The following RAP1GAP variants were observed in gnomAD, a reference collection of about 807,000 sequenced individuals.
RAP1GAP encodes the protein RAP1 GTPase activating protein, also known as rap1 GTPase-activating protein 1.
In RAP1GAP, 35 loss-of-function variants were observed where a neutral mutation model predicts 87.2. The observed-to-expected ratio is 0.40, with a 90% confidence interval of 0.31 to 0.53. The LOEUF (loss-of-function observed/expected upper bound fraction) is 0.53, where lower values mean the gene tolerates loss of function less well. Ranked by LOEUF, RAP1GAP falls within the 20% of genes least tolerant of loss-of-function variation. The probability of loss-of-function intolerance (pLI) is 0.48; values close to 1 mark genes in which losing one functional copy is unlikely to be tolerated. For missense variants in RAP1GAP, 734 were observed against 898.9 expected, an observed-to-expected ratio of 0.82 and a Z score of 2.35; for synonymous variants, 375 against 363.9, an observed-to-expected ratio of 1.03 and a Z score of -0.35.
intron 16 of RAP1GAP, 49 bp from the exon 17 acceptor site, chr1:21,608,399 T>A: frequency 6.3e-7 from 1 of 1,587,450 alleles, no homozygotes; most frequent in Non-Finnish European, 8.6e-7. Context: ...GATCAGCCCT[T>A]CGGCCCACAG....
chr1:21,660,821 T>C (rs920758715), intron 1 of RAP1GAP, among the ~76,000 whole-genome samples: 3 of 152,026 alleles, frequency 2.0e-5, no homozygotes, highest in Admixed American at 1.3e-4. Flanking sequence ...GCCAGTAGGG[T>C]CTTCTTTGGG....
intron 1 of RAP1GAP, among the ~76,000 whole-genome samples, chr1:21,653,580 C>CTTCCTTCCTTCCTTCCTTCT (rs1553496400): frequency 8.2e-6 from 1 of 121,968 alleles, no homozygotes; most frequent in Non-Finnish European, 1.9e-5. Context: ...TCCTTCCTTC[C>CTTCCTTCCTTCCTTCCTTCT]TTCCTTCCTT....
chr1:21,636,849 AAGGAGG>A (rs541438454), intron 2 of RAP1GAP, among the ~76,000 whole-genome samples: 12 of 146,896 alleles, frequency 8.2e-5, no homozygotes, highest in South Asian at 4.4e-4. Context: ...GAAGAAGAAG[AAGGAGG>A]AGGAGGAGGA....
intron 13 of RAP1GAP, 42 bp from the exon 14 acceptor site, chr1:21,610,317 G>GA: frequency 6.2e-7 from 1 of 1,607,540 alleles, no homozygotes; most frequent in Non-Finnish European, 8.5e-7. Flanking sequence ...GGCCAGAGGG[G>GA]GCCCATGGGG....
At chr1:21,646,729 C>T (rs920232310) in intron 2 of RAP1GAP, among the ~76,000 whole-genome samples, 3 of 152,190 alleles carry the variant, frequency 2.0e-5, no homozygotes, top group Non-Finnish European at 2.9e-5. Context: ...CATTTGAATA[C>T]ACTTTAAATG....
intron 2 of RAP1GAP, among the ~76,000 whole-genome samples, chr1:21,631,262 C>T (rs921867305): frequency 6.6e-6 from 1 of 152,208 alleles, no homozygotes; most frequent in Non-Finnish European, 1.5e-5. Context: ...GCGGGGAGCC[C>T]AGAGCATGCC....
At chr1:21,606,712 G>T (rs974350905) in intron 17 of RAP1GAP, among the ~76,000 whole-genome samples, 3 of 151,966 alleles carry the variant, frequency 2.0e-5, no homozygotes, top group African/African-American at 7.3e-5. Flanking sequence ...CCAAATGCTT[G>T]CTATGGGACC....
chr1:21,651,836 C>A, intron 1 of RAP1GAP: 1 of 1,176,452 alleles, frequency 8.5e-7, no homozygotes, highest in South Asian at 3.5e-5. Flanking sequence ...GCCGCCGCCG[C>A]CGCCCGGCCC....
intron 4 of RAP1GAP, among the ~76,000 whole-genome samples, chr1:21,619,701 G>T (rs553775233): frequency 6.6e-6 from 1 of 152,014 alleles, no homozygotes; most frequent in African/African-American, 2.4e-5. Flanking sequence ...CCACCACAAA[G>T]CCTGCGGTGT....
chr1:21,619,595 G>A (rs1417973800), intron 4 of RAP1GAP, among the ~76,000 whole-genome samples: 9 of 152,016 alleles, frequency 5.9e-5, no homozygotes, highest in Non-Finnish European at 1.3e-4. Flanking sequence ...GGGGTGGAGG[G>A]TGGAGGGGTA....
Position 21,622,242 on chromosome 1 carries a change from C to T in RAP1GAP, c.-18-2192G>A. The T allele has an allele frequency of 2.7e-6, 1 of 369,130 alleles. No individual in the cohort carries two copies. Among genetic ancestry groups the T allele is most frequent in the Non-Finnish European group, 4.9e-6 (1 of 202,852 alleles). 22.9% of individuals were successfully genotyped at this position (369,130 alleles called of 1,614,324 possible). Reference sequence around the variant, plus strand: ...GCCCACCATGACGGAGCCTTGTCCGCCCGCCCTGGCTGGGGCAGAGCCGGC... The same window carrying T: ...GCCCACCATGACGGAGCCTTGTCCGTCCGCCCTGGCTGGGGCAGAGCCGGC... On this transcript the variant is annotated intron_variant, in intron 3 of 24. Coordinates refer to ENST00000374765, the MANE Select transcript of RAP1GAP (RefSeq NM_002885.4). This position sits in a 1 kb window ranked among gnomAD's most constrained non-coding sequence, Gnocchi z 5.7.
chr1:21,658,082 T>C (rs1033162615), intron 1 of RAP1GAP, among the ~76,000 whole-genome samples: 3 of 152,218 alleles, frequency 2.0e-5, no homozygotes, highest in African/African-American at 4.8e-5. Context: ...AGGAGATTTG[T>C]TGTTCATCAG....
At position 21,596,953 on chromosome 1, in the gene RAP1GAP, C is replaced by G. The variant is rs1208151190; in HGVS notation, c.*346G>C. Reference sequence around the variant, plus strand: ...TCAAACTCTCTCTCCCACCTTGTTCCCTCTGAGTCCAGAGGGATGCTCAGG... The same window carrying G: ...TCAAACTCTCTCTCCCACCTTGTTCGCTCTGAGTCCAGAGGGATGCTCAGG... On this transcript the variant is annotated 3_prime_UTR_variant, in exon 25 of 25. Transcript: ENST00000374765. 1 of 152,350 alleles carries G rather than the reference C, an allele frequency of 6.6e-6. No individual in the cohort carries two copies. Among genetic ancestry groups the G allele is most frequent in the Non-Finnish European group, 1.5e-5 (1 of 68,138 alleles). 9.4% of individuals were successfully genotyped at this position (152,350 alleles called of 1,614,324 possible).
rs918180218 is a variant in RAP1GAP, at chr1:21,622,565, C to G, written c.-18-2515G>C. ...GGCGCTGCCTGCGATGGGCTCGCCC[C>G]ACGGCGGGGCCCGGAGGGGGCGGGG... On this transcript the variant is annotated intron_variant, in intron 3 of 24. Transcript: ENST00000374765. The surrounding 1 kb of genome is among the most constrained non-coding windows in gnomAD (Gnocchi z 5.7). 1.4e-5 allele frequency: 2 copies of G among 146,950 alleles called. No individual in the cohort carries two copies. The highest frequency in any genetic ancestry group is 3.0e-5 in the Non-Finnish European group (2 of 66,258). The allele number at this position is 146,950 out of a possible 1,614,324, so 9.1% of individuals were successfully genotyped here. A position where few individuals can be genotyped will look rare whatever the true frequency, so the allele number is the denominator to read the frequency against.
At chr1:21,653,845 C>CTTTT (rs1472968003) in intron 1 of RAP1GAP, among the ~76,000 whole-genome samples, 2 of 152,144 alleles carry the variant, frequency 1.3e-5, no homozygotes, top group African/African-American at 2.4e-5. Context: ...CCTCGCCAGT[C>CTTTT]TTTTCAGTGG....
chr1:21,665,785 C>T (rs948934689), intron 1 of RAP1GAP, among the ~76,000 whole-genome samples: 1 of 152,206 alleles, frequency 6.6e-6, no homozygotes, highest in African/African-American at 2.4e-5. Context: ...GGGTGGCCGC[C>T]CCAAGAAGCC....
intron 16 of RAP1GAP, 140 bp from the exon 17 acceptor site, chr1:21,608,490 C>A: frequency 1.7e-6 from 2 of 1,165,274 alleles, no homozygotes; most frequent in Non-Finnish European, 2.3e-6. Context: ...GGCTCCTGCA[C>A]CGCCTTCCCC....
chr1:21,645,725 G>C (rs1176810896), intron 2 of RAP1GAP, among the ~76,000 whole-genome samples: 1 of 152,166 alleles, frequency 6.6e-6, no homozygotes, highest in African/African-American at 2.4e-5. Flanking sequence ...TACACTGCCA[G>C]CTGCCCGTCG....
chr1:21,661,943 C>T (rs2097168595), intron 1 of RAP1GAP, among the ~76,000 whole-genome samples: 1 of 152,236 alleles, frequency 6.6e-6, no homozygotes, highest in Non-Finnish European at 1.5e-5. Flanking sequence ...CTCTTGGAAA[C>T]AGCTCTGCCC....
Sources: allele counts gnomAD v4.1 joint callset (sites outside exome capture counted in the v4.1 genomes callset), GRCh38; gene constraint gnomAD v4.1.1; non-coding constraint Gnocchi (gnomAD v3.1); transcripts MANE v1.5; gene names NCBI Gene and HGNC (gene_info 2026-07-23, HGNC 2026-07-21).